Variants in SPTBN5 observed in about 807,000 individuals in gnomAD.
The protein encoded by SPTBN5 is spectrin beta chain, non-erythrocytic 5.
A neutral mutation model predicts 477.6 loss-of-function variants in SPTBN5; 513 were observed. That is an observed-to-expected ratio of 1.07 (90% CI 1.00 to 1.16). SPTBN5 has a LOEUF of 1.16. Ranked by LOEUF, SPTBN5 falls within the 50% of genes most tolerant of loss-of-function variation. The probability of loss-of-function intolerance (pLI) is 0.00; values close to 1 mark genes in which losing one functional copy is unlikely to be tolerated. For missense variants in SPTBN5, 5,062 were observed against 4,731.8 expected, an observed-to-expected ratio of 1.07 and a Z score of -2.05; for synonymous variants, 2,169 against 2,011.7, an observed-to-expected ratio of 1.08 and a Z score of -2.09.
Position 41,874,961 on chromosome 15 carries a change from G to A in SPTBN5, c.4383C>T (p.His1461=). The part of the protein sequence containing the change: ...LRSSQRLQKR[H]QQLESESRTL... ...TCCGGCTCTCACTCTCCAGCTGTTGGTGCCGTTTCTGCAGCCTCTGGCTGG... is the reference window on the plus strand; with the variant it reads ...TCCGGCTCTCACTCTCCAGCTGTTGATGCCGTTTCTGCAGCCTCTGGCTGG... Residue 1461 remains histidine (H), a synonymous_variant, in exon 23 of 68, where the codon CAC becomes CAT. Transcript: ENST00000320955. 6.2e-7 allele frequency: 1 copy of A among 1,613,710 alleles called. No individual in the cohort carries two copies. The highest frequency in any genetic ancestry group is 8.5e-7 in the Non-Finnish European group (1 of 1,179,880).
At chr15:41,880,426 A>G in intron 13 of SPTBN5, 114 bp from the exon 14 acceptor site, 2 of 1,146,824 alleles carry the variant, frequency 1.7e-6, no homozygotes, top group Non-Finnish European at 2.4e-6. Context: ...GCCCAGGGTC[A>G]GGGCCAGAGG....
chr15:41,888,139 G>GAGCCTGCCTCTCCCAC, intron 4 of SPTBN5, 54 bp from the exon 5 acceptor site: 1 of 1,521,690 alleles, frequency 6.6e-7, no homozygotes. Flanking sequence ...GGGAGGCAGA[G>GAGCCTGCCTCTCCCAC]AGCCTGCAGG....
Position 41,860,727 on chromosome 15 carries a change from C to G in SPTBN5, c.7847G>C (p.Trp2616Ser), listed in dbSNP as rs375624146. The G allele has an allele frequency of 2.6e-5, 41 of 1,599,970 alleles. No individual in the cohort carries two copies. In the African/African-American group the frequency reaches 5.5e-4, roughly 21 times the overall value. ...GTCCCACTCCAGCATCTTGTGCTTC[C>G]ACAGAAGGGGCTCCATGGGGGCCAA... Reference protein sequence around the residue: ...DPLAPMEPLLWKHKMLEWDLE... With the variant: ...DPLAPMEPLLSKHKMLEWDLE... Residue 2616 changes from tryptophan to serine, a missense_variant, in exon 47 of 68, where the codon TGG becomes TCG. Coordinates refer to ENST00000320955, the MANE Select transcript of SPTBN5 (RefSeq NM_016642.4).
rs1323890127 is a variant in SPTBN5, at chr15:41,858,597, C to T, written c.8226+5G>A. ...CCCACCACCCTCCTGCCTGCAGGGC[C>T]TCACCCGCTGCAGCTCCTGCTGTTG... On this transcript the variant is annotated splice_donor_5th_base_variant and intron_variant, in intron 49 of 67. Transcript: ENST00000320955. The T allele has an allele frequency of 1.2e-6, 2 of 1,608,902 alleles. No individual in the cohort carries two copies. The highest frequency in any genetic ancestry group is 1.7e-6 in the Non-Finnish European group (2 of 1,178,862).
At position 41,887,427 on chromosome 15, in the gene SPTBN5, T is replaced by C. The variant is rs1327149212; in HGVS notation, c.674A>G (p.Asp225Gly). Reference protein sequence around the residue: ...LIHAHRPDLLDYGSLRPDRPL... With the variant: ...LIHAHRPDLLGYGSLRPDRPL... ...GCGGTCTGGACGCAGGGAGCCGTAG[T>C]CCAACAGGTCTGGCCTGGACAGACA... The change falls in exon 6 of 68, where the codon GAC becomes GGC. Residue 225 changes from aspartate (D) to glycine (G), a missense_variant. Coordinates refer to ENST00000320955, the MANE Select transcript of SPTBN5 (RefSeq NM_016642.4). 6.4e-7 allele frequency: 1 copy of C among 1,552,762 alleles called. No homozygotes were observed. Among genetic ancestry groups the C allele is most frequent in the Non-Finnish European group, 8.7e-7 (1 of 1,148,138 alleles).
chr15:41,864,048 G>T, intron 39 of SPTBN5, 24 bp from the exon 40 acceptor site: 1 of 1,572,978 alleles, frequency 6.4e-7, no homozygotes. Flanking sequence ...ATGGGTGAGG[G>T]CATTGGCACC....
rs775495937 is a variant in SPTBN5, at chr15:41,876,893, A to G, written c.3767T>C (p.Leu1256Pro). 102 of 1,610,316 alleles carry G rather than the reference A, an allele frequency of 6.3e-5. No homozygotes were observed. Among genetic ancestry groups the G allele is most frequent in the Non-Finnish European group, 8.6e-5 (101 of 1,179,742 alleles). The stretch of plus-strand genomic sequence containing the variant: ...TGCCCGAGGCCCCAGGGTGCTCAGG[A>G]GCCGCCCAAACTCCCGGTGCTGCTG... Reference protein sequence around the residue: ...LLQQHREFGRLLSTLGPRAEA... With the variant: ...LLQQHREFGRPLSTLGPRAEA... Residue 1256 changes from leucine to proline, a missense_variant, in exon 19 of 68, where the codon CTC becomes CCC. Transcript: ENST00000320955.
chr15:41,868,402 T>A lies in SPTBN5; in HGVS notation c.6053A>T (p.Lys2018Met), dbSNP rs1567204810. ...GCACCAGGGGAGGGGGCCCACCTCCTTGGTGGGTGTCCCTGCAGCAAGAAG... is the reference window on the plus strand; with the variant it reads ...GCACCAGGGGAGGGGGCCCACCTCCATGGTGGGTGTCCCTGCAGCAAGAAG... Reference protein sequence around the residue: ...QALLAAGTPTKEVQEELRALQ... With the variant: ...QALLAAGTPTMEVQEELRALQ... The change falls in exon 33 of 68, where the codon AAG (lysine) becomes ATG (methionine). Residue 2018 changes from lysine to methionine, a missense_variant. Coordinates refer to ENST00000320955, the MANE Select transcript of SPTBN5 (RefSeq NM_016642.4). 6.2e-7 allele frequency: 1 copy of A among 1,601,202 alleles called. No homozygotes were observed. Among genetic ancestry groups the A allele is most frequent in the Non-Finnish European group, 8.5e-7 (1 of 1,172,670 alleles).
At position 41,863,799 on chromosome 15, in the gene SPTBN5, T is replaced by C; in HGVS notation, c.7054A>G (p.Asn2352Asp). ...AGCTGCTGCTGGTACCGGAGCAAGTTGCCATGGAAACTCGCCCACCTGGCC... is the reference window on the plus strand; with the variant it reads ...AGCTGCTGCTGGTACCGGAGCAAGTCGCCATGGAAACTCGCCCACCTGGCC... ...LNNRWASFHGNLLRYQQQLEG... is the reference protein window; with the variant it reads ...LNNRWASFHGDLLRYQQQLEG... Residue 2352 changes from asparagine (N) to aspartate (D), a missense_variant, in exon 41 of 68, where the codon AAC becomes GAC. Physicochemically the swap from Asn to Asp is conservative, Grantham distance 23. Coordinates refer to ENST00000320955, the MANE Select transcript of SPTBN5 (RefSeq NM_016642.4). 1 of 1,613,862 alleles carries C rather than the reference T, an allele frequency of 6.2e-7. No homozygotes were observed. Among genetic ancestry groups the C allele is most frequent in the Non-Finnish European group, 8.5e-7 (1 of 1,179,864 alleles).
intron 47 of SPTBN5, among the ~76,000 whole-genome samples, chr15:41,859,207 G>A (rs1204337178): frequency 6.6e-6 from 1 of 152,130 alleles, no homozygotes; most frequent in Non-Finnish European, 1.5e-5. Flanking sequence ...CACCCAGGCT[G>A]GAGTGCAGTG....
chr15:41,882,689 AGTT>A lies in SPTBN5; in HGVS notation c.1939_1941del (p.Asn647del). On this transcript the variant is annotated inframe_deletion, in exon 10 of 68. Coordinates refer to ENST00000320955, the MANE Select transcript of SPTBN5 (RefSeq NM_016642.4). ...TTCAGCCAGGCTTCCTCCTCCTCAC[AGTT>A]GCGCAGGAACTCTGCCCGCTGCAGG... is the stretch of plus-strand genomic sequence containing the variant. 9 of 1,609,442 alleles carry A rather than the reference AGTT, an allele frequency of 5.6e-6. No homozygotes were observed. The highest frequency in any genetic ancestry group is 7.6e-6 in the Non-Finnish European group (9 of 1,178,292).
Position 41,854,762 on chromosome 15 carries a change from C to G in SPTBN5, c.9618+20G>C. On this transcript the variant is annotated intron_variant, in intron 56 of 67. Coordinates refer to ENST00000320955, the MANE Select transcript of SPTBN5 (RefSeq NM_016642.4). ...AAGACTCTGACACCCCTTAGCTTGG[C>G]CCGGCCTGTGATCACCTACCTCTGT... 6.7e-7 allele frequency: 1 copy of G among 1,482,996 alleles called. No homozygotes were observed. The highest frequency in any genetic ancestry group is 9.0e-7 in the Non-Finnish European group (1 of 1,113,870). 91.9% of individuals were successfully genotyped at this position (1,482,996 alleles called of 1,614,324 possible).
At chr15:41,867,284 T>G (rs973238042) in intron 35 of SPTBN5, among the ~76,000 whole-genome samples, 158 bp from the exon 36 acceptor site, 2 of 152,136 alleles carry the variant, frequency 1.3e-5, no homozygotes, top group Non-Finnish European at 2.9e-5. Context: ...GCCAGACCAG[T>G]CTGCTCCCCA....
At chr15:41,860,292 C>T (rs8031483) in intron 47 of SPTBN5, among the ~76,000 whole-genome samples, 15,686 of 152,278 alleles carry the variant, frequency 0.1, 1,328 homozygotes, top group African/African-American at 0.23. Context: ...TGCGACCTTC[C>T]GTTTCGTGAG....
rs2065745978 is a variant in SPTBN5 at position 41,851,169 on chromosome 15, C to A, written c.10744-19G>T. 1 of 1,609,804 alleles carries A rather than the reference C, an allele frequency of 6.2e-7. No individual in the cohort carries two copies. Among genetic ancestry groups the A allele is most frequent in the Non-Finnish European group, 8.5e-7 (1 of 1,178,166 alleles). On this transcript the variant is annotated intron_variant, in intron 64 of 67. Coordinates refer to ENST00000320955, the MANE Select transcript of SPTBN5 (RefSeq NM_016642.4). ...CTACTTTCTGAGGAGAGATGAGAGG[C>A]AGGGGTCACTGCGGCCATCTCAGCT...
At chr15:41,858,505 T>C in intron 49 of SPTBN5, 97 bp downstream of exon 49, 7 of 1,418,528 alleles carry the variant, frequency 4.9e-6, no homozygotes, top group Non-Finnish European at 6.6e-6. Flanking sequence ...TGGATAACGC[T>C]GGCCACCGTT....
intron 32 of SPTBN5, 51 bp downstream of exon 32, chr15:41,869,790 G>A: frequency 6.8e-7 from 1 of 1,461,250 alleles, no homozygotes; most frequent in Non-Finnish European, 9.0e-7. Context: ...CATGCATGGT[G>A]CAGCACACAC....
Position 41,874,019 on chromosome 15 carries a change from G to T in SPTBN5, c.4716C>A (p.His1572Gln). 1 of 1,600,212 alleles carries T rather than the reference G, an allele frequency of 6.2e-7. No homozygotes were observed. ...HKELQVEVKAHQGQVQRVLSS... is the reference protein window; with the variant it reads ...HKELQVEVKAQQGQVQRVLSS... Reference sequence around the variant, plus strand: ...TCAGCACCCGTTGCACCTGCCCCTGGTGAGCTTTTACCTCCACCTGGAGCT... The same window carrying T: ...TCAGCACCCGTTGCACCTGCCCCTGTTGAGCTTTTACCTCCACCTGGAGCT... The change falls in exon 25 of 68, where the codon CAC (histidine) becomes CAA (glutamine). Residue 1572 changes from histidine (H) to glutamine (Q), a missense_variant. Physicochemically the swap from His to Gln is conservative, Grantham distance 24. Coordinates refer to ENST00000320955, the MANE Select transcript of SPTBN5 (RefSeq NM_016642.4).
Position 41,857,482 on chromosome 15 carries a change from G to A in SPTBN5, c.8377C>T (p.Arg2793Trp), listed in dbSNP as rs377709735. ...LQKACEALRL[R>W]RSMEELENWL... ...TTCTCCAGTTCCTCCATGCTCCGCC[G>A]CAGACGCAGGGCCTAGGGTAGAAAG... Residue 2793 changes from arginine to tryptophan, a missense_variant, in exon 51 of 68, where the codon CGG becomes TGG. By Grantham distance (101) the Arg-to-Trp change is moderately radical. Transcript: ENST00000320955. 3.1e-5 allele frequency: 50 copies of A among 1,608,112 alleles called. No homozygotes were observed. Among genetic ancestry groups the A allele is most frequent in the Middle Eastern group, 3.3e-4 (2 of 6,052 alleles).
Sources: gnomAD v4.1 joint callset for allele counts (sites outside exome capture counted in the v4.1 genomes callset) on GRCh38, gnomAD v4.1.1 for gene constraint, MANE v1.5 for transcripts, NCBI Gene and HGNC (gene_info 2026-07-23, HGNC 2026-07-21) for gene names.